Variants in ROBO2 observed in about 807,000 individuals in gnomAD.
ROBO2 encodes roundabout homolog 2.
In ROBO2, 53 loss-of-function variants were observed where a neutral mutation model predicts 160.8. The ratio of observed to expected loss-of-function variants is 0.33; its 90% confidence interval spans 0.26 to 0.41. The LOEUF (loss-of-function observed/expected upper bound fraction) is 0.41, where lower values mean the gene tolerates loss of function less well. Ranked by LOEUF, ROBO2 falls within the 10% of genes least tolerant of loss-of-function variation. The pLI is 1.00. For synonymous variants in ROBO2, 664 were observed against 611.7 expected, an observed-to-expected ratio of 1.09 and a Z score of -1.26; for missense variants, 1,577 against 1,722.4, an observed-to-expected ratio of 0.92 and a Z score of 1.49.
intron 2 of ROBO2, among the ~76,000 whole-genome samples, chr3:76,723,761 A>T (rs2093502689): frequency 6.6e-6 from 1 of 152,200 alleles, no homozygotes; most frequent in South Asian, 2.1e-4. Flanking sequence ...ACTGCTATCA[A>T]CAATATTTAT....
intron 2 of ROBO2, among the ~76,000 whole-genome samples, chr3:76,659,297 A>T (rs1451129467): frequency 6.7e-6 from 1 of 149,444 alleles, no homozygotes; most frequent in Non-Finnish European, 1.5e-5. Context: ...AAGGTGAGGA[A>T]TGTGTGTGAA....
intron 21 of ROBO2, among the ~76,000 whole-genome samples, chr3:77,614,784 G>A (rs1202310798): frequency 6.6e-6 from 1 of 152,058 alleles, no homozygotes; most frequent in East Asian, 1.9e-4. Context: ...AACCCTTTCT[G>A]TAACTATCTC....
intron 2 of ROBO2, among the ~76,000 whole-genome samples, chr3:76,385,881 G>A (rs2076858140): frequency 6.6e-6 from 1 of 152,030 alleles, no homozygotes; most frequent in African/African-American, 2.4e-5. Context: ...TTCTAGATTA[G>A]AAACTTCTTG....
intron 2 of ROBO2, among the ~76,000 whole-genome samples, chr3:77,025,504 A>T (rs1472131798): frequency 6.6e-6 from 1 of 152,232 alleles, no homozygotes; most frequent in African/African-American, 2.4e-5. Context: ...ATAACTAACA[A>T]AAGTTTCTAA....
At chr3:77,402,479 TG>T (rs2075891791) in intron 2 of ROBO2, among the ~76,000 whole-genome samples, 1 of 152,112 alleles carries the variant, frequency 6.6e-6, no homozygotes, top group South Asian at 2.1e-4. Context: ...TTGCAGCCCA[TG>T]TCAGGGAAAG....
intron 2 of ROBO2, among the ~76,000 whole-genome samples, chr3:76,038,767 CGT>C (rs66489028): frequency 0.078 from 11,487 of 148,194 alleles, 1,202 homozygotes; most frequent in African/African-American, 0.23. Flanking sequence ...TGGAAAACTG[CGT>C]GTGTGTGTGT....
At chr3:77,227,763 C>A (rs1288577057) in intron 2 of ROBO2, among the ~76,000 whole-genome samples, 1 of 152,206 alleles carries the variant, frequency 6.6e-6, no homozygotes, top group Non-Finnish European at 1.5e-5. Flanking sequence ...ATGCTATTCA[C>A]TCAAGTCAAT....
At chr3:76,171,092 G>A (rs532936215) in intron 2 of ROBO2, among the ~76,000 whole-genome samples, 1 of 152,262 alleles carries the variant, frequency 6.6e-6, no homozygotes, top group South Asian at 2.1e-4. Context: ...GCCATAGTCT[G>A]ATATAAGATC....
chr3:76,199,438 G>T (rs1179155766), intron 2 of ROBO2, among the ~76,000 whole-genome samples: 1 of 152,052 alleles, frequency 6.6e-6, no homozygotes, highest in Non-Finnish European at 1.5e-5. Flanking sequence ...TTCCAGAAAG[G>T]AATGCAGCCT....
intron 2 of ROBO2, among the ~76,000 whole-genome samples, chr3:76,428,806 C>T (rs184841937): frequency 1.3e-5 from 2 of 152,124 alleles, no homozygotes; most frequent in African/African-American, 2.4e-5. Context: ...ACACGAGAAG[C>T]GTCACCTACT....
intron 5 of ROBO2, among the ~76,000 whole-genome samples, chr3:77,494,007 A>G (rs915894205): frequency 2.0e-5 from 3 of 152,112 alleles, no homozygotes; most frequent in Non-Finnish European, 4.4e-5. Context: ...CAATCTCTCA[A>G]ACTCTAACCT....
intron 2 of ROBO2, among the ~76,000 whole-genome samples, chr3:77,368,182 C>G (rs777297802): frequency 6.6e-6 from 1 of 151,992 alleles, no homozygotes; most frequent in Non-Finnish European, 1.5e-5. Context: ...ATTCTTTATG[C>G]TTTGTCTGTA....
intron 2 of ROBO2, among the ~76,000 whole-genome samples, chr3:76,981,460 A>T (rs1162660173): frequency 6.6e-6 from 1 of 152,068 alleles, no homozygotes; most frequent in Non-Finnish European, 1.5e-5. Flanking sequence ...CTATGTGTTT[A>T]TTGTTCATAT....
chr3:77,509,547 G>T (rs1282410676), intron 5 of ROBO2, among the ~76,000 whole-genome samples: 2 of 151,982 alleles, frequency 1.3e-5, no homozygotes, highest in Admixed American at 1.3e-4. Context: ...GACATAGAGA[G>T]AATATTTGAA....
At chr3:77,343,772 A>G (rs2067324860) in intron 2 of ROBO2, among the ~76,000 whole-genome samples, 1 of 152,174 alleles carries the variant, frequency 6.6e-6, no homozygotes, top group African/African-American at 2.4e-5. Context: ...ACAGTTGAAG[A>G]AATAAAGGGA....
intron 2 of ROBO2, among the ~76,000 whole-genome samples, chr3:76,250,920 T>C (rs535519439): frequency 6.6e-6 from 1 of 152,160 alleles, no homozygotes; most frequent in Non-Finnish European, 1.5e-5. Flanking sequence ...GCAACAACTT[T>C]TATTCTTATA....
intron 24 of ROBO2, among the ~76,000 whole-genome samples, chr3:77,636,784 C>T (rs943322314): frequency 2.0e-5 from 3 of 152,116 alleles, no homozygotes; most frequent in African/African-American, 7.2e-5. Flanking sequence ...CTGTTAGTTT[C>T]AGGAAACACA....
chr3:76,813,940 T>G (rs563997341), intron 2 of ROBO2, among the ~76,000 whole-genome samples: 15 of 152,256 alleles, frequency 9.9e-5, no homozygotes, highest in South Asian at 4.1e-4. Context: ...ATCTTTTCAA[T>G]AAGTAACTTT....
intron 2 of ROBO2, among the ~76,000 whole-genome samples, chr3:76,032,472 C>T (rs2066957467): frequency 6.6e-6 from 1 of 152,018 alleles, no homozygotes; most frequent in Non-Finnish European, 1.5e-5. Flanking sequence ...TAGATCTGTC[C>T]TGCTTTCTCT....
Sources: allele counts gnomAD v4.1 joint callset (sites outside exome capture counted in the v4.1 genomes callset), GRCh38; gene constraint gnomAD v4.1.1; transcripts MANE v1.5; gene names NCBI Gene and HGNC (gene_info 2026-07-23, HGNC 2026-07-21).